TRPS1: variants seen among roughly 807,000 people sequenced by gnomAD.
TRPS1 encodes the protein zinc finger transcription factor Trps1.
A neutral mutation model predicts 101.2 loss-of-function variants in TRPS1; 6 were observed. The observed-to-expected ratio is 0.06, with a 90% CI of 0.03 to 0.12. TRPS1 has a LOEUF of 0.12. Ranked by LOEUF, TRPS1 falls within the 10% of genes least tolerant of loss-of-function variation. TRPS1 has a pLI of 1.00. For missense variants in TRPS1, 1,363 were observed against 1,567.0 expected, an observed-to-expected ratio of 0.87 and a Z score of 2.20; for synonymous variants, 578 against 589.8, an observed-to-expected ratio of 0.98 and a Z score of 0.29.
chr8:115,634,201 G>A (rs371904562), intron 1 of TRPS1, among the ~76,000 whole-genome samples: 2 of 152,148 alleles, frequency 1.3e-5, no homozygotes, highest in East Asian at 1.9e-4. Flanking sequence ...ACTATTCCAC[G>A]GAGTTTCTCA....
intron 5 of TRPS1, among the ~76,000 whole-genome samples, chr8:115,447,431 C>T (rs59132238): frequency 0.036 from 5,552 of 152,148 alleles, 387 homozygotes; most frequent in African/African-American, 0.13. Flanking sequence ...TAAAAATTAT[C>T]TCCTTTATGT....
intron 1 of TRPS1, among the ~76,000 whole-genome samples, chr8:115,664,365 G>C (rs1490507639): frequency 6.6e-6 from 1 of 152,052 alleles, no homozygotes; most frequent in Non-Finnish European, 1.5e-5. Flanking sequence ...ACTTGGCAAA[G>C]GCTAGAAGAC....
intron 5 of TRPS1, among the ~76,000 whole-genome samples, chr8:115,563,581 A>AT (rs1816998939): frequency 6.6e-6 from 1 of 152,046 alleles, no homozygotes; most frequent in Non-Finnish European, 1.5e-5. Flanking sequence ...AGAGAAATTT[A>AT]TTTTTCTTCA....
intron 5 of TRPS1, among the ~76,000 whole-genome samples, chr8:115,548,440 C>T (rs1027591455): frequency 1.3e-4 from 19 of 151,992 alleles, no homozygotes; most frequent in Admixed American, 9.8e-4. Flanking sequence ...CAGGTTCAAG[C>T]GATTCTCCTG....
At chr8:115,650,027 A>T (rs1811524817) in intron 1 of TRPS1, among the ~76,000 whole-genome samples, 1 of 152,186 alleles carries the variant, frequency 6.6e-6, no homozygotes, top group Non-Finnish European at 1.5e-5. Flanking sequence ...CATATCAGGG[A>T]TTATGAAATG....
intron 5 of TRPS1, among the ~76,000 whole-genome samples, chr8:115,554,297 G>A (rs1816768340): frequency 6.6e-6 from 1 of 152,032 alleles, no homozygotes; most frequent in African/African-American, 2.4e-5. Context: ...TAAGAGTAGA[G>A]TCCCACTTGT....
intron 5 of TRPS1, among the ~76,000 whole-genome samples, chr8:115,467,107 C>G (rs1168135252): frequency 6.6e-6 from 1 of 152,002 alleles, no homozygotes; most frequent in Non-Finnish European, 1.5e-5. Flanking sequence ...CTTAGAACAG[C>G]TTCTTGTTTC....
intron 1 of TRPS1, among the ~76,000 whole-genome samples, chr8:115,636,847 G>A (rs1196900080): frequency 6.6e-6 from 1 of 151,900 alleles, no homozygotes; most frequent in Non-Finnish European, 1.5e-5. Context: ...GGGAGGTGGG[G>A]GTTACAGTGA....
At chr8:115,595,076 A>G (rs938538781) in intron 4 of TRPS1, among the ~76,000 whole-genome samples, 2 of 152,136 alleles carry the variant, frequency 1.3e-5, no homozygotes, top group African/African-American at 4.8e-5. Context: ...AATCATAAAT[A>G]CTAATTGATT....
intron 3 of TRPS1, among the ~76,000 whole-genome samples, chr8:115,606,641 A>G (rs1294875587): frequency 6.6e-6 from 1 of 152,068 alleles, no homozygotes; most frequent in Non-Finnish European, 1.5e-5. Context: ...AAAGCCATAC[A>G]CTCAAGGATA....
At chr8:115,478,988 T>C (rs1479029154) in intron 5 of TRPS1, among the ~76,000 whole-genome samples, 2 of 150,026 alleles carry the variant, frequency 1.3e-5, no homozygotes, top group African/African-American at 2.4e-5. Context: ...TATATGTATA[T>C]ATGTATTTAC....
chr8:115,572,759 A>G (rs1586416648), intron 5 of TRPS1, among the ~76,000 whole-genome samples: 1 of 152,178 alleles, frequency 6.6e-6, no homozygotes, highest in Non-Finnish European at 1.5e-5. Flanking sequence ...ATGCCTTACA[A>G]ACTTGGTAAG....
chr8:115,461,552 T>C (rs866240716), intron 5 of TRPS1, among the ~76,000 whole-genome samples: 18 of 152,160 alleles, frequency 1.2e-4, no homozygotes, highest in Admixed American at 9.2e-4. Flanking sequence ...TCCTTCCCCA[T>C]GGTAGGCATT....
At chr8:115,502,391 ATTATCAATTCCCTCCCCTTAT>A (rs1815340020) in intron 5 of TRPS1, among the ~76,000 whole-genome samples, 1 of 152,186 alleles carries the variant, frequency 6.6e-6, no homozygotes, top group South Asian at 2.1e-4. Context: ...ATTACCTCCA[ATTATCAATTCCCTCCCCTTAT>A]TTCTTTGATG....
intron 5 of TRPS1, among the ~76,000 whole-genome samples, chr8:115,565,462 T>C (rs1020200936): frequency 6.8e-6 from 1 of 147,310 alleles, no homozygotes; most frequent in South Asian, 2.2e-4. Flanking sequence ...TCTTTGTATT[T>C]AATTGCATTG....
chr8:115,505,054 A>G (rs1586342854), intron 5 of TRPS1, among the ~76,000 whole-genome samples: 1 of 152,126 alleles, frequency 6.6e-6, no homozygotes, highest in Non-Finnish European at 1.5e-5. Context: ...AAACACTCAT[A>G]TAAATAAGAG....
At chr8:115,638,403 C>T (rs138684429) in intron 1 of TRPS1, among the ~76,000 whole-genome samples, 183 of 152,172 alleles carry the variant, frequency 1.2e-3, no homozygotes, top group Non-Finnish European at 1.9e-3. Context: ...GACATGAGTG[C>T]AATGAATAAA....
chr8:115,575,927 C>T (rs1351841229), intron 5 of TRPS1, among the ~76,000 whole-genome samples: 1 of 151,924 alleles, frequency 6.6e-6, no homozygotes, highest in South Asian at 2.1e-4. Flanking sequence ...AAATTTGCAC[C>T]CCACCTACTA....
At chr8:115,482,881 A>C (rs1204929948) in intron 5 of TRPS1, among the ~76,000 whole-genome samples, 3 of 152,246 alleles carry the variant, frequency 2.0e-5, no homozygotes, top group Non-Finnish European at 4.4e-5. Context: ...GAAAACCCAC[A>C]AAGAAAATTA....
Sources: allele counts gnomAD v4.1 joint callset (sites outside exome capture counted in the v4.1 genomes callset), GRCh38; gene constraint gnomAD v4.1.1; transcripts MANE v1.5; gene names NCBI Gene and HGNC (gene_info 2026-07-23, HGNC 2026-07-21).